DLG2: variants seen among roughly 807,000 people sequenced by gnomAD.
DLG2 encodes discs large MAGUK scaffold protein 2, also known as disks large homolog 2.
Under a neutral mutation model 132.5 loss-of-function variants are expected in DLG2, and 45 were observed. The ratio of observed to expected loss-of-function variants is 0.34; its 90% CI spans 0.27 to 0.44. DLG2 has a LOEUF of 0.44. DLG2 is among the 20% of genes least tolerant of loss of function. The pLI, the probability that DLG2 is intolerant of heterozygous loss-of-function variation, is 1.00. For synonymous variants in DLG2, 424 were observed against 419.6 expected (o/e 1.01, Z -0.13); for missense variants, 1,045 against 1,196.9 (o/e 0.87, Z 1.87).
intron 3 of DLG2, among the ~76,000 whole-genome samples, chr11:85,408,845 C>T (rs2089042720): frequency 6.6e-6 from 1 of 151,296 alleles, no homozygotes; most frequent in Non-Finnish European, 1.5e-5. Flanking sequence ...TGAATAATGC[C>T]ACAATAAACA....
intron 3 of DLG2, among the ~76,000 whole-genome samples, chr11:85,526,147 C>A (rs1565635768): frequency 6.6e-6 from 1 of 152,148 alleles, no homozygotes; most frequent in Non-Finnish European, 1.5e-5. Flanking sequence ...CTAACTGCTA[C>A]TCTAGTCTTG....
intron 7 of DLG2, among the ~76,000 whole-genome samples, chr11:84,461,804 T>C (rs1482285869): frequency 1.3e-5 from 2 of 150,870 alleles, no homozygotes; most frequent in Admixed American, 6.6e-5. Context: ...GTTTTTTTCC[T>C]GTGGTAGATA....
chr11:84,639,079 TTTAG>T (rs769532376), intron 6 of DLG2, among the ~76,000 whole-genome samples: 2 of 152,206 alleles, frequency 1.3e-5, no homozygotes, highest in Non-Finnish European at 2.9e-5. Context: ...AACTTTTAAA[TTTAG>T]TTATTTTATC....
At chr11:84,106,933 A>AGTGT (rs199938790) in intron 9 of DLG2, among the ~76,000 whole-genome samples, 5 of 130,388 alleles carry the variant, frequency 3.8e-5, no homozygotes, top group Admixed American at 7.7e-5. Context: ...TGTGTGTGTG[A>AGTGT]GTGTGTGTGT....
At chr11:83,818,400 A>G (rs1469493353) in intron 17 of DLG2, among the ~76,000 whole-genome samples, 1 of 152,160 alleles carries the variant, frequency 6.6e-6, no homozygotes, top group Non-Finnish European at 1.5e-5. Flanking sequence ...TCCTCAGAAT[A>G]CCTGGTGAGG....
intron 10 of DLG2, among the ~76,000 whole-genome samples, chr11:84,078,415 T>G (rs2096857243): frequency 6.6e-6 from 1 of 152,196 alleles, no homozygotes; most frequent in East Asian, 1.9e-4. Context: ...ACAAAATGAT[T>G]AGTTACCTAA....
intron 5 of DLG2, among the ~76,000 whole-genome samples, chr11:85,148,821 G>T (rs2077035555): frequency 6.6e-6 from 1 of 152,132 alleles, no homozygotes; most frequent in South Asian, 2.1e-4. Flanking sequence ...TGAAGTCTTT[G>T]CCCATGCCTC....
intron 17 of DLG2, among the ~76,000 whole-genome samples, chr11:83,808,430 C>T (rs2046461362): frequency 6.6e-6 from 1 of 152,090 alleles, no homozygotes; most frequent in Non-Finnish European, 1.5e-5. Context: ...CTTGTGAGAC[C>T]AAGAGGCATT....
intron 6 of DLG2, among the ~76,000 whole-genome samples, chr11:85,040,030 A>G (rs1274039748): frequency 6.6e-6 from 1 of 151,936 alleles, no homozygotes; most frequent in African/African-American, 2.4e-5. Context: ...TCCGGATTCC[A>G]TAGCAAAATC....
chr11:85,509,852 G>A (rs998724314), intron 3 of DLG2: 1 of 151,920 alleles, frequency 6.6e-6, no homozygotes, highest in Admixed American at 6.6e-5. Context: ...GCATATAACT[G>A]GAGAATTTGA....
chr11:84,316,911 T>C (rs368244271), intron 7 of DLG2: 3 of 1,612,634 alleles, frequency 1.9e-6, no homozygotes. Flanking sequence ...TGGGGGCTTT[T>C]CCGCACACTG....
At chr11:84,802,184 T>G (rs1231100000) in intron 6 of DLG2, among the ~76,000 whole-genome samples, 1 of 151,876 alleles carries the variant, frequency 6.6e-6, no homozygotes, top group Non-Finnish European at 1.5e-5. Flanking sequence ...GTTTCTCATG[T>G]ACTAATTGTG....
At chr11:84,963,203 G>A (rs765148510) in intron 6 of DLG2, among the ~76,000 whole-genome samples, 2 of 152,082 alleles carry the variant, frequency 1.3e-5, no homozygotes, top group Admixed American at 6.6e-5. Flanking sequence ...ATAATGTACC[G>A]CTGACATACT....
intron 3 of DLG2, among the ~76,000 whole-genome samples, chr11:85,579,365 A>G (rs1437471426): frequency 6.6e-6 from 1 of 152,130 alleles, no homozygotes; most frequent in Non-Finnish European, 1.5e-5. Flanking sequence ...AAACCTGCAC[A>G]TGTATCCTCG....
intron 18 of DLG2, among the ~76,000 whole-genome samples, chr11:83,665,476 G>T (rs187030791): frequency 3.8e-4 from 58 of 152,244 alleles, no homozygotes; most frequent in Non-Finnish European, 6.3e-4. Context: ...ACAAATGGGG[G>T]TTATACTTTC....
At position 84,511,417 on chromosome 11, in the gene DLG2, T is replaced by C. The variant is rs558981266; in HGVS notation, c.519+23153A>G. ...CTTTGGACCACAAATTGAATGAATATCTTCTTCAGGCACTACTGAAAATTA... is the reference window on the plus strand; with the variant it reads ...CTTTGGACCACAAATTGAATGAATACCTTCTTCAGGCACTACTGAAAATTA... On this transcript the variant is annotated intron_variant, in intron 7 of 27. Transcript: ENST00000376104. Among the ~76,000 whole-genome samples the C allele has an allele frequency of 6.6e-4, 100 of 152,284 alleles. 1 individual carries two copies. Among genetic ancestry groups the C allele is most frequent in the African/African-American group, 2.3e-3 (94 of 41,564 alleles).
At chr11:84,998,728 T>A (rs578020132) in intron 6 of DLG2, among the ~76,000 whole-genome samples, 1 of 151,918 alleles carries the variant, frequency 6.6e-6, no homozygotes, top group African/African-American at 2.4e-5. Context: ...TCATGTTGCC[T>A]CCCAAGACCA....
chr11:84,330,298 T>C (rs944765376), intron 7 of DLG2, among the ~76,000 whole-genome samples: 9 of 152,216 alleles, frequency 5.9e-5, no homozygotes, highest in Non-Finnish European at 8.8e-5. Context: ...TGGGCAAGGC[T>C]TTCTGCTTCT....
intron 3 of DLG2, among the ~76,000 whole-genome samples, chr11:85,335,796 G>C (rs1420334992): frequency 6.6e-6 from 1 of 152,018 alleles, no homozygotes; most frequent in Non-Finnish European, 1.5e-5. Flanking sequence ...GACCTATCAG[G>C]GGGTGGGGGA....
Sources: allele counts gnomAD v4.1 joint callset (sites outside exome capture counted in the v4.1 genomes callset), GRCh38; gene constraint gnomAD v4.1.1; transcripts MANE v1.5; gene names NCBI Gene and HGNC (gene_info 2026-07-23, HGNC 2026-07-21).